The following GRHL2 variants were observed in gnomAD, a reference collection of about 807,000 sequenced individuals.
GRHL2 encodes the protein grainyhead like transcription factor 2.
Under a neutral mutation model 83.8 loss-of-function variants are expected in GRHL2, and 21 were observed. The observed-to-expected ratio is 0.25, with a 90% confidence interval of 0.18 to 0.36. GRHL2 has a LOEUF of 0.36. Among genes scored for constraint, GRHL2 ranks in the 10% least tolerant of loss-of-function variants. GRHL2 has a pLI of 1.00. For missense variants in GRHL2, 623 were observed against 781.8 expected (o/e 0.80, Z 2.42); for synonymous variants, 280 against 278.9 (o/e 1.00, Z -0.04).
intron 1 of GRHL2, among the ~76,000 whole-genome samples, chr8:101,495,888 C>T (rs1422199421): frequency 6.6e-6 from 1 of 152,138 alleles, no homozygotes; most frequent in Admixed American, 6.5e-5. Flanking sequence ...GCGGCTCACA[C>T]CTGTAATCCC....
chr8:101,672,395 T>A (rs1814225342), downstream of GRHL2, among the ~76,000 whole-genome samples: 4 of 151,634 alleles, frequency 2.6e-5, no homozygotes, highest in South Asian at 2.1e-4. Context: ...GCTCGAGAAC[T>A]ACGTGAAGAA....
At chr8:101,652,257 C>T (rs67377728) in intron 14 of GRHL2, among the ~76,000 whole-genome samples, 55,654 of 145,548 alleles carry the variant, frequency 0.38, 12,954 homozygotes, top group African/African-American at 0.66. Flanking sequence ...TATAAATATA[C>T]ACAATATGAC....
At chr8:101,573,099 G>T (rs1811860228) in intron 5 of GRHL2, among the ~76,000 whole-genome samples, 1 of 152,172 alleles carries the variant, frequency 6.6e-6, no homozygotes, top group Non-Finnish European at 1.5e-5. Flanking sequence ...TCTTCCGCAG[G>T]CTTGAAAACA....
At chr8:101,671,706 C>A (rs566061230), downstream of GRHL2, among the ~76,000 whole-genome samples, 5 of 152,336 alleles carry the variant, frequency 3.3e-5, no homozygotes, top group East Asian at 9.6e-4. Flanking sequence ...TCCCAGCACG[C>A]AGCTGGAGAT....
chr8:101,496,109 C>T (rs1280168249), intron 1 of GRHL2, among the ~76,000 whole-genome samples: 1 of 147,254 alleles, frequency 6.8e-6, no homozygotes, highest in East Asian at 2.0e-4. Context: ...GATCACACCA[C>T]TGCACTCCAG....
chr8:101,518,837 G>A (rs1220637976), intron 1 of GRHL2, among the ~76,000 whole-genome samples: 1 of 152,142 alleles, frequency 6.6e-6, no homozygotes, highest in Non-Finnish European at 1.5e-5. Context: ...CTACTCCTTT[G>A]GGCTTCTGTC....
chr8:101,493,461 C>T (rs2129940832), intron 1 of GRHL2, among the ~76,000 whole-genome samples: 1 of 140,948 alleles, frequency 7.1e-6, no homozygotes, highest in Middle Eastern at 3.8e-3. Flanking sequence ...CGGGTCCGCC[C>T]CCGCATTGTT....
At chr8:101,500,220 G>C (rs1449135320) in intron 1 of GRHL2, among the ~76,000 whole-genome samples, 1 of 152,208 alleles carries the variant, frequency 6.6e-6, no homozygotes, top group Non-Finnish European at 1.5e-5. Flanking sequence ...GCAGCAACAG[G>C]CTGGATAGGA....
At chr8:101,585,916 G>A (rs936615976) in intron 7 of GRHL2, among the ~76,000 whole-genome samples, 2 of 152,062 alleles carry the variant, frequency 1.3e-5, no homozygotes, top group East Asian at 1.9e-4. Context: ...AATCCCTTCC[G>A]CTGTGTGTGT....
chr8:101,592,342 A>T (rs936897341), intron 7 of GRHL2, among the ~76,000 whole-genome samples: 6 of 151,984 alleles, frequency 3.9e-5, no homozygotes, highest in Non-Finnish European at 8.8e-5. Flanking sequence ...TGACCTCGTG[A>T]TCCACCTGCC....
At chr8:101,663,410 G>A (rs555195497) in intron 14 of GRHL2, among the ~76,000 whole-genome samples, 5 of 151,988 alleles carry the variant, frequency 3.3e-5, no homozygotes, top group African/African-American at 1.2e-4. Context: ...TCAGGAGTTC[G>A]AGACCAGCCT....
intron 14 of GRHL2, among the ~76,000 whole-genome samples, chr8:101,652,486 T>TGTG (rs1813675553): frequency 1.4e-4 from 6 of 41,656 alleles, no homozygotes; most frequent in South Asian, 9.2e-4. Flanking sequence ...GTGGTATGTG[T>TGTG]GTATGTGTGT....
Position 101,569,764 on chromosome 8 carries a change from C to T in GRHL2, c.679-575C>T, listed in dbSNP as rs200527388. Among the ~76,000 whole-genome samples, 36 of 152,250 alleles carry T rather than the reference C, an allele frequency of 2.4e-4. No homozygotes were observed. In the East Asian group the frequency reaches 4.8e-3, roughly 20 times the overall value. ...GGATTACAGGCATGAGCCACCATGC[C>T]CAGCCTATTCTTAGTACTTTTTAAA... On this transcript the variant is annotated intron_variant, in intron 4 of 15. Coordinates refer to ENST00000646743, the MANE Select transcript of GRHL2 (RefSeq NM_024915.4).
chr8:101,634,810 T>C (rs1253329207), intron 11 of GRHL2, among the ~76,000 whole-genome samples: 1 of 152,166 alleles, frequency 6.6e-6, no homozygotes, highest in African/African-American at 2.4e-5. Context: ...ATGATCTCAT[T>C]GATTCACTTG....
At chr8:101,589,670 C>T (rs1812236704) in intron 7 of GRHL2, among the ~76,000 whole-genome samples, 1 of 152,050 alleles carries the variant, frequency 6.6e-6, no homozygotes, top group South Asian at 2.1e-4. Context: ...TAGATGTAGC[C>T]TAAAGAGAAA....
At chr8:101,543,674 TCA>T in intron 2 of GRHL2, 1 of 539,764 alleles carries the variant, frequency 1.9e-6, no homozygotes, top group South Asian at 2.0e-5. Context: ...TGTTCCTTGT[TCA>T]CATGCATAAA....
intron 12 of GRHL2, among the ~76,000 whole-genome samples, chr8:101,637,229 A>G (rs1813306301): frequency 6.6e-6 from 1 of 152,124 alleles, no homozygotes. Flanking sequence ...TTCATCAATA[A>G]TCCAGTTGGT....
At chr8:101,539,699 A>G (rs1811112688) in intron 1 of GRHL2, among the ~76,000 whole-genome samples, 1 of 152,222 alleles carries the variant, frequency 6.6e-6, no homozygotes, top group South Asian at 2.1e-4. Flanking sequence ...CTTTTGTAAG[A>G]AAATCCCATT....
At chr8:101,559,498 C>T (rs1036663305) in intron 4 of GRHL2, among the ~76,000 whole-genome samples, 1 of 152,082 alleles carries the variant, frequency 6.6e-6, no homozygotes, top group Non-Finnish European at 1.5e-5. Flanking sequence ...CCACTGCACT[C>T]CAGCCTGGGT....
Sources: allele counts gnomAD v4.1 joint callset (sites outside exome capture counted in the v4.1 genomes callset), GRCh38; gene constraint gnomAD v4.1.1; transcripts MANE v1.5; gene names NCBI Gene and HGNC (gene_info 2026-07-23, HGNC 2026-07-21).